The following CDS2 variants were observed in gnomAD, a reference collection of about 807,000 sequenced individuals.
CDS2 encodes the protein phosphatidate cytidylyltransferase 2.
CDS2 carries 47 observed loss-of-function variants against 59.0 expected under a neutral mutation model. The ratio of observed to expected loss-of-function variants is 0.80; its 90% CI spans 0.63 to 1.02. CDS2 has a LOEUF of 1.02. CDS2 is among the 50% of genes least tolerant of loss of function. CDS2 has a pLI of 0.00. For synonymous variants in CDS2, 207 were observed against 206.4 expected, an observed-to-expected ratio of 1.00 and a Z score of -0.02; for missense variants, 356 against 558.9, an observed-to-expected ratio of 0.64 and a Z score of 3.66.
intron 2 of CDS2, 118 bp downstream of exon 2, chr20:5,173,777 C>T (rs922175095): frequency 1.7e-6 from 2 of 1,144,924 alleles, no homozygotes; most frequent in African/African-American, 3.1e-5. Context: ...CTTGCCTCAG[C>T]CTCCCATGCC....
At chr20:5,130,981 C>G (rs1431477495) in intron 1 of CDS2, among the ~76,000 whole-genome samples, 4 of 151,520 alleles carry the variant, frequency 2.6e-5, no homozygotes, top group Admixed American at 1.3e-4. Flanking sequence ...GTCCCAGCTA[C>G]TCGGAAGGCT....
chr20:5,174,739 A>G (rs73063738), intron 2 of CDS2, among the ~76,000 whole-genome samples: 70 of 151,822 alleles, frequency 4.6e-4, no homozygotes, highest in Middle Eastern at 3.4e-3. Flanking sequence ...AAAAAAAATT[A>G]TGCATATTTA....
In CDS2 at chr20:5,127,118, C is replaced by T. The variant is rs998068794; in HGVS notation, c.26C>T (p.Ala9Val). 2.7e-6 allele frequency: 4 copies of T among 1,497,282 alleles called. No individual in the cohort carries two copies. In the African/African-American group the frequency reaches 5.8e-5, roughly 22 times the overall value. 92.7% of individuals were successfully genotyped at this position (1,497,282 alleles called of 1,614,324 possible). MTELRQRV[A>V]HEPVAPPEDK... is the part of the protein sequence containing the mutation. Reference sequence around the variant, plus strand: ...ATGACAGAGCTGAGGCAGAGGGTGGCCCATGAGCCGGTTGCGCCACCCGAG... The same window carrying T: ...ATGACAGAGCTGAGGCAGAGGGTGGTCCATGAGCCGGTTGCGCCACCCGAG... The change falls in exon 1 of 13, where the codon GCC becomes GTC. Residue 9 changes from alanine (A) to valine (V), a missense_variant. By Grantham distance (64) the Ala-to-Val change is moderately conservative (BLOSUM62 0). Transcript: ENST00000460006.
At chr20:5,149,631 G>A (rs551389657) in intron 1 of CDS2, among the ~76,000 whole-genome samples, 2 of 152,040 alleles carry the variant, frequency 1.3e-5, no homozygotes, top group Non-Finnish European at 2.9e-5. Flanking sequence ...GAAACTCCTG[G>A]GTTCAAGTGA....
chr20:5,143,599 GTTCTTT>G (rs909121008), intron 1 of CDS2, among the ~76,000 whole-genome samples: 3 of 145,798 alleles, frequency 2.1e-5, no homozygotes, highest in South Asian at 2.2e-4. Context: ...TCTGCTTTCA[GTTCTTT>G]TTCTTTTTCT....
At chr20:5,162,374 G>A (rs184458759) in intron 1 of CDS2, among the ~76,000 whole-genome samples, 7 of 152,078 alleles carry the variant, frequency 4.6e-5, no homozygotes, top group African/African-American at 7.2e-5. Context: ...AAACACTTCC[G>A]GTCTCAAGCA....
At chr20:5,156,490 G>T (rs1229141108) in intron 1 of CDS2, among the ~76,000 whole-genome samples, 1 of 152,104 alleles carries the variant, frequency 6.6e-6, no homozygotes, top group African/African-American at 2.4e-5. Context: ...AGGCTGAATG[G>T]CAGGGTCAGC....
At chr20:5,145,247 C>G (rs866385395) in intron 1 of CDS2, among the ~76,000 whole-genome samples, 58 of 118,596 alleles carry the variant, frequency 4.9e-4, no homozygotes, top group Middle Eastern at 4.3e-3. Flanking sequence ...CCCCCCCCCC[C>G]GCCCCCGCCA....
In CDS2 at chr20:5,195,827, A is replaced by G. The variant is rs987263278; in HGVS notation, c.*5593A>G. On this transcript the variant is annotated 3_prime_UTR_variant, in exon 13 of 13. Coordinates refer to ENST00000460006, the MANE Select transcript of CDS2 (RefSeq NM_003818.4). The stretch of plus-strand genomic sequence containing the variant: ...GTGGGTGACCCATTGAGGACACATG[A>G]TGTGAGGTATTTCTGCCGGATTCTA... 4 of 152,180 alleles carry G rather than the reference A, an allele frequency of 2.6e-5. No homozygotes were observed. Among genetic ancestry groups the G allele is most frequent in the Admixed American group, 6.5e-5 (1 of 15,292 alleles). 9.4% of individuals were successfully genotyped at this position (152,180 alleles called of 1,614,324 possible).
At position 5,171,822 on chromosome 20, in the gene CDS2, C is replaced by T. The variant is rs368607388; in HGVS notation, c.58-1701C>T. On this transcript the variant is annotated intron_variant, in intron 1 of 12. Transcript: ENST00000460006. ...GGGTGACTTATCCAGAGCCACCTGT[C>T]TCGACTGTGGCAGAGTAGGGAGCAG... Among the ~76,000 whole-genome samples the T allele has an allele frequency of 5.3e-4, 80 of 152,312 alleles. No individual in the cohort carries two copies. In the South Asian group the frequency reaches 0.014, roughly 27 times the overall value.
rs1600525860 is a variant in CDS2 at position 5,195,071 on chromosome 20, C to G, written c.*4837C>G. On this transcript the variant is annotated 3_prime_UTR_variant, in exon 13 of 13. Transcript: ENST00000460006. ...GGTGCGGGCAGGTTTCTAGGCTGCT[C>G]TAAGCTTCTACCTTGAAGGCAGTTG... 6.6e-6 allele frequency: 1 copy of G among 152,282 alleles called. No individual in the cohort carries two copies. The allele number at this position is 152,282 out of a possible 1,614,324, so 9.4% of individuals were successfully genotyped here.
chr20:5,130,814 G>A (rs2122939684), intron 1 of CDS2, among the ~76,000 whole-genome samples: 1 of 151,638 alleles, frequency 6.6e-6, no homozygotes, highest in South Asian at 2.1e-4. Context: ...TCTGGAGGCT[G>A]GGCGTGGTAG....
At chr20:5,131,275 A>G (rs1169774434) in intron 1 of CDS2, among the ~76,000 whole-genome samples, 1 of 152,168 alleles carries the variant, frequency 6.6e-6, no homozygotes, top group Non-Finnish European at 1.5e-5. Context: ...TGAGAATGGA[A>G]TTTTCAAAGC....
At chr20:5,149,933 T>C (rs2090775505) in intron 1 of CDS2, among the ~76,000 whole-genome samples, 1 of 152,076 alleles carries the variant, frequency 6.6e-6, no homozygotes, top group African/African-American at 2.4e-5. Context: ...CAGGCTGTTC[T>C]CGAACTCCTG....
At position 5,189,071 on chromosome 20, in the gene CDS2, C is replaced by A. The variant is rs144822618; in HGVS notation, c.986C>A (p.Thr329Lys). The stretch of plus-strand genomic sequence containing the variant: ...TACTTCATTTACTCTTCTCAGAAAA[C>A]GGTCCGGATGTACCCCTTCCAGATT... ...GVIQSVIGWKTVRMYPFQIHS... is the reference protein window; with the variant it reads ...GVIQSVIGWKKVRMYPFQIHS... The change falls in exon 11 of 13, where the codon ACG (threonine) becomes AAG (lysine). Residue 329 changes from threonine (T) to lysine (K), a missense_variant. This residue lies in a region of CDS2 where 88 missense variants were observed against 103.6 expected (regional missense o/e 0.85). Coordinates refer to ENST00000460006, the MANE Select transcript of CDS2 (RefSeq NM_003818.4). 6 of 1,614,174 alleles carry A rather than the reference C, an allele frequency of 3.7e-6. No individual in the cohort carries two copies. The South Asian group carries it at 5.5e-5, about 15-fold the overall frequency.
At chr20:5,136,535 A>G (rs11698683) in intron 1 of CDS2, among the ~76,000 whole-genome samples, 12,897 of 152,150 alleles carry the variant, frequency 0.085, 624 homozygotes, top group Middle Eastern at 0.16. Context: ...TGGAATCCTT[A>G]TCTGTCTTTT....
chr20:5,143,083 T>C (rs771280727), intron 1 of CDS2, among the ~76,000 whole-genome samples: 1 of 152,000 alleles, frequency 6.6e-6, no homozygotes, highest in Non-Finnish European at 1.5e-5. Flanking sequence ...GGCTCAAGCA[T>C]TCCTCCTGCC....
intron 3 of CDS2, chr20:5,176,444 A>G (rs759979949): frequency 7.4e-4 from 404 of 548,026 alleles, no homozygotes; most frequent in Non-Finnish European, 1.1e-3. Context: ...TGTGAGTGGA[A>G]AATTGGATCT....
At chr20:5,127,373 C>T (rs888732586) in intron 1 of CDS2, among the ~76,000 whole-genome samples, 1 of 152,184 alleles carries the variant, frequency 6.6e-6, no homozygotes, top group African/African-American at 2.4e-5. Flanking sequence ...TGAAGTGGCT[C>T]CCCCGGGGCG....
Sources: gnomAD v4.1 joint callset for allele counts (sites outside exome capture counted in the v4.1 genomes callset) on GRCh38, gnomAD v4.1.1 for gene constraint, gnomAD v4.1.1 regional missense constraint, MANE v1.5 for transcripts, NCBI Gene and HGNC (gene_info 2026-07-23, HGNC 2026-07-21) for gene names.